SPOCK1: variants seen among roughly 807,000 people sequenced by gnomAD.
The protein encoded by SPOCK1 is testican-1.
A neutral mutation model predicts 55.3 loss-of-function variants in SPOCK1; 23 were observed. That is an observed-to-expected ratio of 0.42 (90% CI 0.30 to 0.59). SPOCK1 has a LOEUF of 0.59. SPOCK1 is among the 20% of genes least tolerant of loss of function. SPOCK1 has a pLI of 0.22. For synonymous variants in SPOCK1, 226 were observed against 221.0 expected, an observed-to-expected ratio of 1.02 and a Z score of -0.20; for missense variants, 499 against 552.5, an observed-to-expected ratio of 0.90 and a Z score of 0.97.
intron 2 of SPOCK1, among the ~76,000 whole-genome samples, chr5:137,482,264 T>C (rs974433404): frequency 1.3e-5 from 2 of 152,120 alleles, no homozygotes; most frequent in Admixed American, 6.5e-5. Flanking sequence ...AACATCCAAA[T>C]AGAGCAGAGG....
At chr5:137,011,768 A>G (rs1450190741) in intron 6 of SPOCK1, among the ~76,000 whole-genome samples, 1 of 152,170 alleles carries the variant, frequency 6.6e-6, no homozygotes, top group Non-Finnish European at 1.5e-5. Context: ...GGGTGTAAGT[A>G]GTTTCCAATT....
At position 137,192,673 on chromosome 5, in the gene SPOCK1, C is replaced by T. The variant is rs180684405; in HGVS notation, c.233-51979G>A. 3.4e-4 allele frequency among the ~76,000 whole-genome samples: 52 copies of T among 152,292 alleles called. No individual in the cohort carries two copies. In the East Asian group the frequency reaches 8.5e-3, roughly 25 times the overall value. ...ATACTTTGCAAAGATGACACACTAT[C>T]TATCAACAGAAAGATGGACAAATAA... On this transcript the variant is annotated intron_variant, in intron 3 of 10. Transcript: ENST00000394945.
At chr5:137,266,144 C>T (rs1756845912) in intron 3 of SPOCK1, among the ~76,000 whole-genome samples, 1 of 152,204 alleles carries the variant, frequency 6.6e-6, no homozygotes, top group African/African-American at 2.4e-5. Context: ...CATGTCAATG[C>T]CTCCCTCGAT....
chr5:137,143,248 G>T (rs1337503865), intron 3 of SPOCK1, among the ~76,000 whole-genome samples: 3 of 152,184 alleles, frequency 2.0e-5, no homozygotes, highest in African/African-American at 7.2e-5. Flanking sequence ...GGTTGGCCTA[G>T]GGTGATGGGT....
At chr5:137,427,838 G>A (rs1200512237) in intron 2 of SPOCK1, among the ~76,000 whole-genome samples, 1 of 151,684 alleles carries the variant, frequency 6.6e-6, no homozygotes, top group African/African-American at 2.4e-5. Context: ...GAACCCAGGA[G>A]GCGGAGCTTG....
intron 3 of SPOCK1, among the ~76,000 whole-genome samples, chr5:137,253,501 C>T (rs1756577116): frequency 6.6e-6 from 1 of 152,132 alleles, no homozygotes. Flanking sequence ...CAAATTATCA[C>T]CTCTCAACAG....
chr5:137,008,544 C>T (rs1751294533), intron 6 of SPOCK1, among the ~76,000 whole-genome samples: 1 of 152,132 alleles, frequency 6.6e-6, no homozygotes, highest in Admixed American at 6.5e-5. Flanking sequence ...TACAGTTAAC[C>T]AGGAACTACT....
intron 6 of SPOCK1, among the ~76,000 whole-genome samples, chr5:137,023,808 G>A (rs903080933): frequency 2.0e-5 from 3 of 151,954 alleles, no homozygotes; most frequent in Non-Finnish European, 2.9e-5. Context: ...AAGCTGATTT[G>A]TCTCTTTCAA....
chr5:137,315,558 G>A (rs745849897), intron 2 of SPOCK1, among the ~76,000 whole-genome samples: 1 of 152,208 alleles, frequency 6.6e-6, no homozygotes, highest in Non-Finnish European at 1.5e-5. Flanking sequence ...AGACCTCCAT[G>A]CCAGGACATG....
intron 2 of SPOCK1, among the ~76,000 whole-genome samples, chr5:137,391,975 T>C (rs768853436): frequency 3.9e-5 from 6 of 152,100 alleles, no homozygotes; most frequent in Non-Finnish European, 7.4e-5. Flanking sequence ...GAAACTGCCC[T>C]CTCCAACACC....
At chr5:137,411,185 G>A (rs1752202399) in intron 2 of SPOCK1, among the ~76,000 whole-genome samples, 1 of 152,180 alleles carries the variant, frequency 6.6e-6, no homozygotes, top group Non-Finnish European at 1.5e-5. Flanking sequence ...AGGGTGCAGT[G>A]TGAGCAGCTG....
chr5:137,155,688 G>A (rs1171313063), intron 3 of SPOCK1, among the ~76,000 whole-genome samples: 1 of 152,236 alleles, frequency 6.6e-6, no homozygotes, highest in African/African-American at 2.4e-5. Context: ...CTAATGAGAA[G>A]ATGTGTCTCT....
At chr5:137,408,648 G>C (rs1752148382) in intron 2 of SPOCK1, among the ~76,000 whole-genome samples, 1 of 152,144 alleles carries the variant, frequency 6.6e-6, no homozygotes, top group African/African-American at 2.4e-5. Flanking sequence ...ACCCTCTCTG[G>C]ACCCCATTTA....
In SPOCK1 at chr5:137,326,073, A is replaced by G. The variant is rs138531758; in HGVS notation, c.187-59018T>C. ...TTACCGTATTCCCTTTATTTCCATA[A>G]AAGATAATTACTATTGTGTCATATC... On this transcript the variant is annotated intron_variant, in intron 2 of 10. Transcript: ENST00000394945. Among the ~76,000 whole-genome samples, 102 of 152,304 alleles carry G rather than the reference A, an allele frequency of 6.7e-4. 2 individuals are homozygous for G. The East Asian group carries it at 0.015, about 22-fold the overall frequency.
At chr5:137,430,430 C>T (rs1486413971) in intron 2 of SPOCK1, among the ~76,000 whole-genome samples, 1 of 152,202 alleles carries the variant, frequency 6.6e-6, no homozygotes, top group Non-Finnish European at 1.5e-5. Context: ...AATGATGCTT[C>T]AGCCAATTCT....
At chr5:137,273,162 G>C (rs1003198624) in intron 2 of SPOCK1, among the ~76,000 whole-genome samples, 1 of 152,158 alleles carries the variant, frequency 6.6e-6, no homozygotes, top group Non-Finnish European at 1.5e-5. Context: ...TGTAACTAAT[G>C]AGAAAAGATA....
intron 2 of SPOCK1, among the ~76,000 whole-genome samples, chr5:137,310,824 A>G (rs1757778859): frequency 6.6e-6 from 1 of 152,342 alleles, no homozygotes. Flanking sequence ...TCCATGTAAA[A>G]CTGCAAAAGC....
chr5:137,138,756 T>C (rs1445597553), intron 4 of SPOCK1, among the ~76,000 whole-genome samples: 1 of 146,920 alleles, frequency 6.8e-6, no homozygotes, highest in Non-Finnish European at 1.5e-5. Context: ...CCCAATGAAC[T>C]TGACTTTCCT....
At chr5:137,398,453 T>C (rs1176271156) in intron 2 of SPOCK1, among the ~76,000 whole-genome samples, 1 of 152,190 alleles carries the variant, frequency 6.6e-6, no homozygotes, top group African/African-American at 2.4e-5. Context: ...CCTTGGATCA[T>C]TAACTTATAT....
Sources: allele counts gnomAD v4.1 joint callset (sites outside exome capture counted in the v4.1 genomes callset), GRCh38; gene constraint gnomAD v4.1.1; transcripts MANE v1.5; gene names NCBI Gene and HGNC (gene_info 2026-07-23, HGNC 2026-07-21).